Variants in ZNF614 observed in about 807,000 individuals in gnomAD.
ZNF614 encodes zinc finger protein 614.
Under a neutral mutation model 12.8 loss-of-function variants are expected in ZNF614, and 11 were observed. The ratio of observed to expected loss-of-function variants is 0.86; its 90% confidence interval spans 0.54 to 1.43. The LOEUF is 1.43. Among genes scored for constraint, ZNF614 ranks in the 40% most tolerant of loss-of-function variants. The pLI, the probability that ZNF614 is intolerant of heterozygous loss-of-function variation, is 0.00. For synonymous variants in ZNF614, 237 were observed against 237.5 expected (o/e 1.00, Z 0.02); for missense variants, 664 against 708.8 (o/e 0.94, Z 0.72).
In ZNF614 at chr19:52,025,857, T is replaced by A; in HGVS notation, c.-112A>T. On this transcript the variant is annotated 5_prime_UTR_variant, in exon 2 of 5. Coordinates refer to ENST00000270649, the MANE Select transcript of ZNF614 (RefSeq NM_025040.4). ...CTAGTCAGAAATATTAGTGTCCACTTAAAGTTGTCCCCAGAAATTATGATA... is the reference window on the plus strand; with the variant it reads ...CTAGTCAGAAATATTAGTGTCCACTAAAAGTTGTCCCCAGAAATTATGATA... 1 of 1,160,536 alleles carries A rather than the reference T, an allele frequency of 8.6e-7. No homozygotes were observed. Among genetic ancestry groups the A allele is most frequent in the Non-Finnish European group, 1.2e-6 (1 of 801,102 alleles). The allele number at this position is 1,160,536 out of a possible 1,614,324, so 71.9% of individuals were successfully genotyped here.
chr19:52,019,304 CAAAG>C (rs2086920345), intron 2 of ZNF614, among the ~76,000 whole-genome samples: 2 of 151,912 alleles, frequency 1.3e-5, no homozygotes, highest in African/African-American at 4.8e-5. Context: ...TAAATCATAA[CAAAG>C]AAGTTAATAA....
At chr19:52,018,642 A>G in intron 2 of ZNF614, 148 bp from the exon 3 acceptor site, 2 of 779,262 alleles carry the variant, frequency 2.6e-6, no homozygotes, top group Non-Finnish European at 3.9e-6. Context: ...TCCTCTATCT[A>G]TACATTTTAG....
intron 2 of ZNF614, among the ~76,000 whole-genome samples, chr19:52,021,371 T>G (rs1240063977): frequency 1.3e-5 from 2 of 152,052 alleles, no homozygotes; most frequent in Non-Finnish European, 2.9e-5. Context: ...GTGAGATTTT[T>G]TTTTTTAAGT....
intron 2 of ZNF614, among the ~76,000 whole-genome samples, chr19:52,020,873 A>G (rs1273230187): frequency 6.6e-6 from 1 of 152,220 alleles, no homozygotes; most frequent in Non-Finnish European, 1.5e-5. Context: ...ACCTCCCAGG[A>G]ACGAAAACAA....
chr19:52,021,977 A>G (rs1014755336), intron 2 of ZNF614, among the ~76,000 whole-genome samples: 56 of 152,318 alleles, frequency 3.7e-4, no homozygotes, highest in African/African-American at 1.3e-3. Flanking sequence ...CAGAATAAAT[A>G]ATCCAAAGAA....
chr19:52,025,233 T>A (rs1228946962), intron 2 of ZNF614, among the ~76,000 whole-genome samples: 1 of 152,220 alleles, frequency 6.6e-6, no homozygotes, highest in Non-Finnish European at 1.5e-5. Context: ...CCATAGTTCC[T>A]TCTTGAGTGG....
chr19:52,025,878 T>G lies in ZNF614; in HGVS notation c.-133A>C, dbSNP rs2086968581. 5.2e-6 allele frequency: 5 copies of G among 966,894 alleles called. No homozygotes were observed. The Admixed American group carries it at 1.2e-4, about 23-fold the overall frequency. 59.9% of individuals were successfully genotyped at this position (966,894 alleles called of 1,614,324 possible). ...CACTTAAAGTTGTCCCCAGAAATTATGATATCCAAGGCCAGCAACCTCCTT... is the reference window on the plus strand; with the variant it reads ...CACTTAAAGTTGTCCCCAGAAATTAGGATATCCAAGGCCAGCAACCTCCTT... On this transcript the variant is annotated 5_prime_UTR_variant, in exon 2 of 5. Transcript: ENST00000270649.
At chr19:52,020,551 T>A (rs949247887) in intron 2 of ZNF614, among the ~76,000 whole-genome samples, 4 of 152,200 alleles carry the variant, frequency 2.6e-5, no homozygotes, top group Non-Finnish European at 4.4e-5. Context: ...AACTTTGATG[T>A]CCAGAGATTT....
chr19:52,019,159 A>T, intron 2 of ZNF614, among the ~76,000 whole-genome samples: 1 of 152,194 alleles, frequency 6.6e-6, no homozygotes, highest in Non-Finnish European at 1.5e-5. Flanking sequence ...AGCAAAAAAA[A>T]ACTTCTAACA....
chr19:52,025,642 C>T, intron 2 of ZNF614, 89 bp downstream of exon 2: 1 of 1,436,120 alleles, frequency 7.0e-7, no homozygotes, highest in Non-Finnish European at 9.7e-7. Flanking sequence ...CTCCCTAGAA[C>T]ACAATTATCC....
At chr19:52,023,092 G>GA (rs60676118) in intron 2 of ZNF614, among the ~76,000 whole-genome samples, 369 of 104,790 alleles carry the variant, frequency 3.5e-3, no homozygotes, top group African/African-American at 9.7e-3. Context: ...AAAAAAAAAA[G>GA]AAAAAAAAAA....
At chr19:52,024,497 G>A (rs965536909) in intron 2 of ZNF614, among the ~76,000 whole-genome samples, 8 of 152,148 alleles carry the variant, frequency 5.3e-5, no homozygotes, top group Admixed American at 5.2e-4. Flanking sequence ...GGAAAAGAAA[G>A]AGAGATCAGA....
intron 2 of ZNF614, among the ~76,000 whole-genome samples, chr19:52,023,478 G>A (rs2086948295): frequency 6.6e-6 from 1 of 152,100 alleles, no homozygotes. Context: ...TTACTCTCCA[G>A]TCCATTCCTC....
Position 52,025,740 on chromosome 19 carries a change from G to C in ZNF614, c.6C>G (p.Ile2Met). The change falls in exon 2 of 5, where the codon ATC becomes ATG. Residue 2 changes from isoleucine to methionine, a missense_variant. Ile to Met is a conservative substitution (Grantham distance 10, BLOSUM62 1). Coordinates refer to ENST00000270649, the MANE Select transcript of ZNF614 (RefSeq NM_025040.4). ...AAAGGGAAAATATCACCTGGGTCTT[G>C]ATCATTTTCTTCTGTGCTCAGAAAA... is the stretch of plus-strand genomic sequence containing the variant. The part of the protein sequence containing the change: M[I>M]KTQESLTLED... 1 of 1,613,948 alleles carries C rather than the reference G, an allele frequency of 6.2e-7. No individual in the cohort carries two copies. The highest frequency in any genetic ancestry group is 8.5e-7 in the Non-Finnish European group (1 of 1,179,916).
intron 2 of ZNF614, among the ~76,000 whole-genome samples, chr19:52,022,959 AGT>A (rs2086941340): frequency 6.6e-6 from 1 of 151,566 alleles, no homozygotes; most frequent in African/African-American, 2.4e-5. Context: ...GGGTGCCTGT[AGT>A]CCCAGCTACT....
intron 2 of ZNF614, among the ~76,000 whole-genome samples, chr19:52,023,314 A>G (rs1384559299): frequency 1.3e-5 from 2 of 151,544 alleles, no homozygotes; most frequent in Non-Finnish European, 2.9e-5. Context: ...GACTATAGGC[A>G]CGTGCCACCA....
Position 52,025,930 on chromosome 19 carries a change from T to A in ZNF614, c.-185A>T. ...TTCTTCCTTCATTGCTTCACTTGAG[T>A]TATTTTGCTTCTGGGAGCCAGGACC... On this transcript the variant is annotated 5_prime_UTR_variant, in exon 2 of 5. An upstream open reading frame in the 5' UTR loses its in-frame stop. Coordinates refer to ENST00000270649, the MANE Select transcript of ZNF614 (RefSeq NM_025040.4). The A allele has an allele frequency of 1.6e-6, 1 of 621,514 alleles. No individual in the cohort carries two copies. The highest frequency in any genetic ancestry group is 2.8e-6 in the Non-Finnish European group (1 of 361,160). The allele number at this position is 621,514 out of a possible 1,614,324, so 38.5% of individuals were successfully genotyped here.
rs752186759 is a variant in ZNF614 at position 52,016,179 on chromosome 19, A to G, written c.1419T>C (p.His473=). The G allele has an allele frequency of 6.2e-7, 1 of 1,614,158 alleles. No individual in the cohort carries two copies. Among genetic ancestry groups the G allele is most frequent in the Non-Finnish European group, 8.5e-7 (1 of 1,180,036 alleles). Residue 473 remains histidine, a synonymous_variant, in exon 5 of 5, where the codon CAT becomes CAC. Transcript: ENST00000270649. ...AFSQKICLIQ[H]ERCHTGKTPF... is the part of the protein sequence containing the mutation. Reference sequence around the variant, plus strand: ...GAGTCTTTCCTGTATGACATCTCTCATGTTGTATGAGGCATATTTTCTGGC... The same window carrying G: ...GAGTCTTTCCTGTATGACATCTCTCGTGTTGTATGAGGCATATTTTCTGGC...
rs372101438 is a variant in ZNF614, at chr19:52,018,051, T to C, written c.195A>G (p.Glu65=). Residue 65 remains glutamate, a synonymous_variant, in exon 4 of 5, where the codon GAA becomes GAG. Coordinates refer to ENST00000270649, the MANE Select transcript of ZNF614 (RefSeq NM_025040.4). ...DVLSKLAHGQ[E]PWTTDAKIQN... is the part of the protein sequence containing the mutation. ...GAATTTTAGCATCTGTTGTCCATGG[T>C]TCTTGTCCATGTGCCAACTTGGAGA... 1.1e-5 allele frequency: 17 copies of C among 1,613,984 alleles called. No homozygotes were observed. In the African/African-American group the frequency reaches 2.1e-4, roughly 20 times the overall value.
Sources: allele counts gnomAD v4.1 joint callset (sites outside exome capture counted in the v4.1 genomes callset), GRCh38; gene constraint gnomAD v4.1.1; transcripts MANE v1.5; gene names NCBI Gene and HGNC (gene_info 2026-07-23, HGNC 2026-07-21).